The following TMTC2 variants were observed in gnomAD, a reference collection of about 807,000 sequenced individuals.
TMTC2 encodes transmembrane O-mannosyltransferase targeting cadherins 2, also known as protein O-mannosyl-transferase TMTC2.
In TMTC2, 43 loss-of-function variants were observed where a neutral mutation model predicts 82.4. The observed-to-expected ratio is 0.52, with a 90% confidence interval of 0.41 to 0.67. The LOEUF (loss-of-function observed/expected upper bound fraction) is 0.67. Ranked by LOEUF, TMTC2 falls within the 30% of genes least tolerant of loss-of-function variation. The pLI is 0.00. For missense variants in TMTC2, 919 were observed against 1,012.4 expected, an observed-to-expected ratio of 0.91 and a Z score of 1.25; for synonymous variants, 408 against 381.9, an observed-to-expected ratio of 1.07 and a Z score of -0.80.
chr12:82,741,037 C>A (rs1875379731), intron 1 of TMTC2, among the ~76,000 whole-genome samples: 1 of 152,178 alleles, frequency 6.6e-6, no homozygotes, highest in Admixed American at 6.5e-5. Context: ...ACTTGTATAC[C>A]CACTATATCA....
At chr12:82,972,247 T>A (rs1317932520) in intron 7 of TMTC2, among the ~76,000 whole-genome samples, 2 of 152,172 alleles carry the variant, frequency 1.3e-5, no homozygotes, top group Admixed American at 1.3e-4. Context: ...TATTTGCCTT[T>A]ATTTTCATCA....
At chr12:82,816,983 T>G (rs1020645191) in intron 1 of TMTC2, among the ~76,000 whole-genome samples, 2 of 151,378 alleles carry the variant, frequency 1.3e-5, no homozygotes, top group Non-Finnish European at 3.0e-5. Context: ...TTTTTTTTTT[T>G]TGAGATGGAG....
chr12:82,741,049 C>A (rs1292023744), intron 1 of TMTC2, among the ~76,000 whole-genome samples: 2 of 152,192 alleles, frequency 1.3e-5, no homozygotes, highest in African/African-American at 4.8e-5. Flanking sequence ...ACTATATCAA[C>A]AAGGGGTCAT....
chr12:82,926,591 G>A (rs1353075578), intron 3 of TMTC2, among the ~76,000 whole-genome samples: 1 of 152,210 alleles, frequency 6.6e-6, no homozygotes, highest in Non-Finnish European at 1.5e-5. Flanking sequence ...TGGGTTTTCA[G>A]TGTATACAAA....
intron 11 of TMTC2, among the ~76,000 whole-genome samples, chr12:83,106,012 A>G (rs1360666111): frequency 6.6e-6 from 1 of 152,260 alleles, no homozygotes; most frequent in African/African-American, 2.4e-5. Context: ...TAATAGAATT[A>G]TCTTGAAAGG....
At chr12:83,048,693 A>G (rs1237671612) in intron 9 of TMTC2, among the ~76,000 whole-genome samples, 2 of 152,218 alleles carry the variant, frequency 1.3e-5, no homozygotes, top group African/African-American at 4.8e-5. Flanking sequence ...ATGAATGACA[A>G]GGTCTCACTC....
chr12:83,075,313 C>G (rs1296791505), intron 11 of TMTC2, among the ~76,000 whole-genome samples: 1 of 152,170 alleles, frequency 6.6e-6, no homozygotes, highest in Non-Finnish European at 1.5e-5. Context: ...TGGAGTTGAT[C>G]TGGAGCTAAA....
intron 11 of TMTC2, among the ~76,000 whole-genome samples, chr12:83,113,767 C>A (rs1200954437): frequency 6.6e-6 from 1 of 152,090 alleles, no homozygotes; most frequent in African/African-American, 2.4e-5. Context: ...AAATAGAATG[C>A]GATGCATCAG....
intron 1 of TMTC2, among the ~76,000 whole-genome samples, chr12:82,803,478 C>T (rs1290834886): frequency 6.6e-6 from 1 of 152,112 alleles, no homozygotes; most frequent in African/African-American, 2.4e-5. Flanking sequence ...GATAATTGAT[C>T]TCAGGTGCCA....
At chr12:82,883,805 T>C (rs2137159718) in intron 2 of TMTC2, among the ~76,000 whole-genome samples, 1 of 152,332 alleles carries the variant, frequency 6.6e-6, no homozygotes, top group African/African-American at 2.4e-5. Context: ...GTCTTCTTCT[T>C]AAAGAACAGG....
intron 8 of TMTC2, among the ~76,000 whole-genome samples, chr12:83,005,810 G>A (rs1420563198): frequency 6.6e-6 from 1 of 152,234 alleles, no homozygotes; most frequent in African/African-American, 2.4e-5. Context: ...GGAACCCCAG[G>A]AGGGGTCAGT....
chr12:82,929,609 CCTT>C (rs1480367463), intron 3 of TMTC2, among the ~76,000 whole-genome samples: 2 of 152,038 alleles, frequency 1.3e-5, no homozygotes, highest in Non-Finnish European at 2.9e-5. Flanking sequence ...CACACATGAC[CCTT>C]CTTCTCATCC....
intron 1 of TMTC2, among the ~76,000 whole-genome samples, chr12:82,770,191 C>T (rs1271784331): frequency 3.3e-5 from 5 of 152,032 alleles, no homozygotes; most frequent in Non-Finnish European, 5.9e-5. Flanking sequence ...AAACGATAAG[C>T]CTTCTAATCT....
chr12:82,736,555 A>G lies in TMTC2; in HGVS notation c.83+48886A>G, dbSNP rs184580613. Reference sequence around the variant, plus strand: ...AATGTAAGTGGTTAAGGTAATTGCAACCTAATATCAGAATGACTTTTTCAT... The same window carrying G: ...AATGTAAGTGGTTAAGGTAATTGCAGCCTAATATCAGAATGACTTTTTCAT... On this transcript the variant is annotated intron_variant, in intron 1 of 11. Coordinates refer to ENST00000321196, the MANE Select transcript of TMTC2 (RefSeq NM_152588.3). Among the ~76,000 whole-genome samples, 4 of 152,310 alleles carry G rather than the reference A, an allele frequency of 2.6e-5. No homozygotes were observed. The East Asian group carries it at 7.7e-4, about 29-fold the overall frequency.
At chr12:82,769,269 T>C (rs1474851283) in intron 1 of TMTC2, among the ~76,000 whole-genome samples, 1 of 151,698 alleles carries the variant, frequency 6.6e-6, no homozygotes, top group Admixed American at 6.6e-5. Context: ...GGTCAGGAGT[T>C]TGAGACCAGC....
intron 1 of TMTC2, among the ~76,000 whole-genome samples, chr12:82,806,519 A>C (rs931424149): frequency 4.9e-4 from 74 of 152,122 alleles, no homozygotes; most frequent in African/African-American, 1.8e-3. Flanking sequence ...TGCACAGATT[A>C]AGGGCACCAA....
chr12:82,987,206 C>G (rs1274660836), intron 8 of TMTC2, among the ~76,000 whole-genome samples: 10 of 151,810 alleles, frequency 6.6e-5, no homozygotes, highest in Non-Finnish European at 2.9e-5. Flanking sequence ...GGCAGATCAC[C>G]TGAGGTCAGG....
At chr12:82,991,767 A>G (rs1203239822) in intron 8 of TMTC2, among the ~76,000 whole-genome samples, 1 of 152,216 alleles carries the variant, frequency 6.6e-6, no homozygotes, top group Admixed American at 6.5e-5. Flanking sequence ...GCTAAAAGAG[A>G]GAAAAGAAGG....
chr12:82,989,770 T>C (rs1451960285), intron 8 of TMTC2, among the ~76,000 whole-genome samples: 1 of 151,070 alleles, frequency 6.6e-6, no homozygotes, highest in Non-Finnish European at 1.5e-5. Context: ...TTTTTTCAGA[T>C]TTAGAAGTTT....
Sources: allele counts gnomAD v4.1 joint callset (sites outside exome capture counted in the v4.1 genomes callset), GRCh38; gene constraint gnomAD v4.1.1; transcripts MANE v1.5; gene names NCBI Gene and HGNC (gene_info 2026-07-23, HGNC 2026-07-21).